The following CCND3 variants were observed in gnomAD, a reference collection of about 807,000 sequenced individuals.
CCND3 encodes the protein cyclin D3.
A neutral mutation model predicts 28.7 loss-of-function variants in CCND3; 9 were observed. The observed-to-expected ratio is 0.31, with a 90% confidence interval of 0.19 to 0.55. The LOEUF (loss-of-function observed/expected upper bound fraction) is 0.55, where lower values mean the gene tolerates loss of function less well. Ranked by LOEUF, CCND3 falls within the 20% of genes least tolerant of loss-of-function variation. CCND3 has a pLI of 0.93. For missense variants in CCND3, 315 were observed against 385.8 expected (o/e 0.82, Z 1.54); for synonymous variants, 164 against 163.9 (o/e 1.00, Z 0.00).
At chr6:41,976,442 A>G (rs1762189393) in intron 1 of CCND3, among the ~76,000 whole-genome samples, 1 of 152,098 alleles carries the variant, frequency 6.6e-6, no homozygotes, top group South Asian at 2.1e-4. Context: ...GCTTGAGCCC[A>G]GGAGTGTGTT....
intron 1 of CCND3, among the ~76,000 whole-genome samples, chr6:41,961,871 T>TC: frequency 6.6e-6 from 1 of 152,252 alleles, no homozygotes; most frequent in Admixed American, 6.5e-5. Context: ...ATCTGCTGAG[T>TC]CACCCAAGCT....
intron 1 of CCND3, among the ~76,000 whole-genome samples, chr6:41,972,546 C>T: frequency 6.6e-6 from 1 of 152,116 alleles, no homozygotes. Context: ...TTAAAGCCTC[C>T]TTTTCCTCCT....
chr6:42,046,156 C>T (rs929096589), intron 1 of CCND3, among the ~76,000 whole-genome samples: 3 of 152,184 alleles, frequency 2.0e-5, no homozygotes. Flanking sequence ...AGAGAGGGAC[C>T]GCCTCAAGGC....
At chr6:42,029,837 CAAAAA>C (rs34732029) in intron 1 of CCND3, among the ~76,000 whole-genome samples, 1 of 118,212 alleles carries the variant, frequency 8.5e-6, no homozygotes, top group African/African-American at 3.4e-5. Flanking sequence ...AACTCTGTCT[CAAAAA>C]AAAAAAAAAA....
chr6:41,942,334 TAC>T (rs951929228), upstream of CCND3, among the ~76,000 whole-genome samples: 3 of 152,234 alleles, frequency 2.0e-5, no homozygotes, highest in Non-Finnish European at 4.4e-5. Flanking sequence ...TTCTGTGTTC[TAC>T]ACCATTGCTA....
At chr6:41,978,615 T>A (rs1259503121) in intron 1 of CCND3, among the ~76,000 whole-genome samples, 1 of 151,792 alleles carries the variant, frequency 6.6e-6, no homozygotes, top group Non-Finnish European at 1.5e-5. Context: ...ATACAAAACA[T>A]GGGTGGGGAG....
chr6:41,979,451 A>G (rs1400176261), intron 1 of CCND3, among the ~76,000 whole-genome samples: 7 of 150,060 alleles, frequency 4.7e-5, no homozygotes, highest in Non-Finnish European at 7.4e-5. Flanking sequence ...GGAGAATGGC[A>G]TGAACCTGGG....
intron 1 of CCND3, among the ~76,000 whole-genome samples, chr6:41,974,039 C>T (rs574387631): frequency 2.0e-5 from 3 of 152,214 alleles, no homozygotes; most frequent in East Asian, 1.9e-4. Flanking sequence ...CAAAATTAGC[C>T]GGGTGTGGTG....
rs546065157 is a variant in CCND3, at chr6:41,959,636, C to T, written c.-45-19051G>A. Among the ~76,000 whole-genome samples the T allele has an allele frequency of 3.5e-4, 51 of 145,680 alleles. 1 individual carries two copies. In the Middle Eastern group the frequency reaches 0.03, roughly 85 times the overall value. On this transcript the variant is annotated intron_variant, in intron 1 of 4. Coordinates refer to the CCND3 transcript ENST00000372988. ...CAGGGAGTCGGAGGTTGCAGTGAGC[C>T]GAGATTGCGCCACTGCACTCCAGCC...
intron 1 of CCND3, among the ~76,000 whole-genome samples, chr6:41,969,200 G>A (rs2127407256): frequency 6.6e-6 from 1 of 152,222 alleles, no homozygotes; most frequent in South Asian, 2.1e-4. Context: ...AGGCTGAGGT[G>A]AGTGGATCAC....
chr6:42,022,117 T>C (rs1357578861), intron 1 of CCND3, among the ~76,000 whole-genome samples: 1 of 152,196 alleles, frequency 6.6e-6, no homozygotes, highest in East Asian at 1.9e-4. Context: ...ATGATCTCAA[T>C]TTTCAGATTG....
intron 1 of CCND3, among the ~76,000 whole-genome samples, chr6:42,018,195 A>ATTTG: frequency 6.6e-6 from 1 of 150,992 alleles, no homozygotes; most frequent in South Asian, 2.1e-4. Flanking sequence ...AGAAGCCTTT[A>ATTTG]TTTGTTTGTT....
chr6:41,987,670 T>TC (rs1237546627), intron 1 of CCND3, among the ~76,000 whole-genome samples: 1 of 142,776 alleles, frequency 7.0e-6, no homozygotes, highest in Admixed American at 7.4e-5. Flanking sequence ...ACTCAGCTAA[T>TC]TTTTTTTTTT....
intron 1 of CCND3, among the ~76,000 whole-genome samples, chr6:42,026,862 C>T (rs1763890082): frequency 6.6e-6 from 1 of 152,206 alleles, no homozygotes; most frequent in African/African-American, 2.4e-5. Context: ...ATGCCATCTC[C>T]CACACGCAAG....
intron 1 of CCND3, among the ~76,000 whole-genome samples, chr6:41,964,169 C>T (rs1233873847): frequency 6.6e-6 from 1 of 152,218 alleles, no homozygotes; most frequent in Admixed American, 6.5e-5. Flanking sequence ...TGAGAGCATG[C>T]CACATACCAG....
chr6:41,958,675 A>C (rs975833607), intron 1 of CCND3, among the ~76,000 whole-genome samples: 5 of 152,226 alleles, frequency 3.3e-5, no homozygotes, highest in Non-Finnish European at 7.3e-5. Context: ...TCATGTGGCC[A>C]GAAAGTTCCC....
chr6:42,044,783 T>TTTTATTTATTTA (rs70987565), intron 1 of CCND3, among the ~76,000 whole-genome samples: 44,126 of 142,844 alleles, frequency 0.31, 7,534 homozygotes, highest in Middle Eastern at 0.42. Context: ...CTTTCTTTCC[T>TTTTATTTATTTA]TTTATTTATT....
At chr6:41,989,676 T>G (rs535181386) in intron 1 of CCND3, among the ~76,000 whole-genome samples, 1 of 152,104 alleles carries the variant, frequency 6.6e-6, no homozygotes, top group Non-Finnish European at 1.5e-5. Context: ...CATTGGCATA[T>G]CAAGTGCTGG....
At chr6:42,017,409 G>A (rs1763556103) in intron 1 of CCND3, among the ~76,000 whole-genome samples, 1 of 152,208 alleles carries the variant, frequency 6.6e-6, no homozygotes, top group African/African-American at 2.4e-5. Context: ...CATTGCTGCT[G>A]GCAGTTCTCC....
Sources: gnomAD v4.1 joint callset for allele counts (sites outside exome capture counted in the v4.1 genomes callset) on GRCh38, gnomAD v4.1.1 for gene constraint, MANE v1.5 for transcripts, NCBI Gene and HGNC (gene_info 2026-07-23, HGNC 2026-07-21) for gene names.